UNC5D: variants seen among roughly 807,000 people sequenced by gnomAD.
UNC5D encodes the protein netrin receptor UNC5D.
In UNC5D, 39 loss-of-function variants were observed where a neutral mutation model predicts 105.4. The ratio of observed to expected loss-of-function variants is 0.37; its 90% CI spans 0.29 to 0.48. The LOEUF (loss-of-function observed/expected upper bound fraction) is 0.48. Ranked by LOEUF, UNC5D falls within the 20% of genes least tolerant of loss-of-function variation. The probability of loss-of-function intolerance (pLI) is 0.98; values close to 1 mark genes in which losing one functional copy is unlikely to be tolerated. For synonymous variants in UNC5D, 452 were observed against 450.4 expected (o/e 1.00, Z -0.04); for missense variants, 991 against 1,202.4 (o/e 0.82, Z 2.60).
chr8:35,343,241 C>T (rs185652978), intron 1 of UNC5D, among the ~76,000 whole-genome samples: 1 of 152,144 alleles, frequency 6.6e-6, no homozygotes, highest in East Asian at 1.9e-4. Context: ...TTTTTCTTTC[C>T]TGTCTCAGAT....
chr8:35,379,051 C>T (rs1036692215), intron 1 of UNC5D, among the ~76,000 whole-genome samples: 5 of 152,190 alleles, frequency 3.3e-5, no homozygotes, highest in Non-Finnish European at 7.3e-5. Context: ...TTACAGCTAC[C>T]TCCTGTGTTG....
chr8:35,769,547 A>T (rs1315514339), intron 15 of UNC5D, among the ~76,000 whole-genome samples: 7 of 152,188 alleles, frequency 4.6e-5, no homozygotes, highest in African/African-American at 1.4e-4. Flanking sequence ...TATAATAGAG[A>T]TCCTACATGT....
intron 1 of UNC5D, among the ~76,000 whole-genome samples, chr8:35,543,509 C>T (rs1170714371): frequency 6.6e-6 from 1 of 152,144 alleles, no homozygotes; most frequent in African/African-American, 2.4e-5. Context: ...CAGTGCCTTT[C>T]GCCCAGTTGT....
In UNC5D at chr8:35,568,270, G is replaced by A. The variant is rs758926308; in HGVS notation, c.466+29G>A. 3.1e-6 allele frequency: 5 copies of A among 1,609,362 alleles called. No individual in the cohort carries two copies. The Admixed American group carries it at 8.4e-5, about 27-fold the overall frequency. On this transcript the variant is annotated intron_variant, in intron 3 of 16. Coordinates refer to ENST00000404895, the MANE Select transcript of UNC5D (RefSeq NM_080872.4). ...AGTACATTCTGGGTGACCTTGTCTT[G>A]TAGGACCACAAATGAGAGTTAAATA...
chr8:35,533,550 C>T (rs1814576172), intron 1 of UNC5D, among the ~76,000 whole-genome samples: 1 of 152,324 alleles, frequency 6.6e-6, no homozygotes, highest in Middle Eastern at 3.4e-3. Flanking sequence ...GCAGGCAGGC[C>T]TCCTTGAGCT....
At chr8:35,766,319 C>T (rs1801764377) in intron 14 of UNC5D, among the ~76,000 whole-genome samples, 1 of 151,928 alleles carries the variant, frequency 6.6e-6, no homozygotes, top group Admixed American at 6.6e-5. Flanking sequence ...GTCTGTCTCT[C>T]TTCCCTCCTT....
chr8:35,492,690 T>C (rs1484083082), intron 1 of UNC5D, among the ~76,000 whole-genome samples: 5 of 151,970 alleles, frequency 3.3e-5, no homozygotes, highest in Non-Finnish European at 5.9e-5. Flanking sequence ...GGGCTATTCA[T>C]AGGGAGAAGG....
chr8:35,759,842 A>C (rs573455184), intron 14 of UNC5D, among the ~76,000 whole-genome samples: 2 of 152,250 alleles, frequency 1.3e-5, no homozygotes, highest in Non-Finnish European at 2.9e-5. Context: ...CATATTCAGC[A>C]ATGAATAAAC....
chr8:35,417,221 T>TCCCACCCCATC (rs1805589341), intron 1 of UNC5D, among the ~76,000 whole-genome samples: 1 of 151,850 alleles, frequency 6.6e-6, no homozygotes, highest in African/African-American at 2.4e-5. Flanking sequence ...TCTACCTCTC[T>TCCCACCCCATC]CCCACCCCAT....
In UNC5D at chr8:35,600,569, G is replaced by A. The variant is rs559288643; in HGVS notation, c.570+4912G>A. On this transcript the variant is annotated intron_variant, in intron 4 of 16. Coordinates refer to ENST00000404895, the MANE Select transcript of UNC5D (RefSeq NM_080872.4). ...GGCCAGTGATGATGAGCATTTTTTC[G>A]TGTGTCTTTTGGCTGCATAAATGTC... 8.3e-4 allele frequency among the ~76,000 whole-genome samples: 126 copies of A among 152,184 alleles called. 1 individual carries two copies. The East Asian group carries it at 0.022, about 26-fold the overall frequency.
intron 1 of UNC5D, among the ~76,000 whole-genome samples, chr8:35,536,549 C>A (rs933770496): frequency 6.6e-6 from 1 of 152,154 alleles, no homozygotes; most frequent in African/African-American, 2.4e-5. Context: ...GTATGTTCTT[C>A]CCTGCACAAG....
chr8:35,250,224 T>G (rs1201187991), intron 1 of UNC5D, among the ~76,000 whole-genome samples: 2 of 152,162 alleles, frequency 1.3e-5, no homozygotes, highest in Non-Finnish European at 2.9e-5. Context: ...TCAGAGCACT[T>G]AAGTCAGAAT....
At chr8:35,375,411 A>G (rs1009653733) in intron 1 of UNC5D, among the ~76,000 whole-genome samples, 6 of 152,216 alleles carry the variant, frequency 3.9e-5, no homozygotes, top group Non-Finnish European at 5.9e-5. Context: ...AACAAATTCT[A>G]CATGGGGAAA....
At chr8:35,244,240 A>G (rs1802956614) in intron 1 of UNC5D, among the ~76,000 whole-genome samples, 2 of 152,230 alleles carry the variant, frequency 1.3e-5, no homozygotes, top group Admixed American at 1.3e-4. Flanking sequence ...AGTGATAAAC[A>G]GTGCTAGGAC....
intron 1 of UNC5D, among the ~76,000 whole-genome samples, chr8:35,424,588 C>T (rs949877576): frequency 6.6e-6 from 1 of 152,080 alleles, no homozygotes; most frequent in Non-Finnish European, 1.5e-5. Context: ...TTCCCTAGAC[C>T]CCATTCCTAG....
At chr8:35,482,152 G>C (rs1048638821) in intron 1 of UNC5D, among the ~76,000 whole-genome samples, 25 of 152,130 alleles carry the variant, frequency 1.6e-4, no homozygotes, top group Non-Finnish European at 7.4e-5. Flanking sequence ...CAGGTCTATG[G>C]ATCAGAAGTA....
chr8:35,417,152 A>G (rs1805584068), intron 1 of UNC5D, among the ~76,000 whole-genome samples: 1 of 152,144 alleles, frequency 6.6e-6, no homozygotes, highest in African/African-American at 2.4e-5. Flanking sequence ...CTGTTGTGCT[A>G]TCAAATACTA....
chr8:35,769,078 T>C (rs1265295298), intron 15 of UNC5D, among the ~76,000 whole-genome samples: 5 of 152,242 alleles, frequency 3.3e-5, no homozygotes, highest in African/African-American at 7.2e-5. Flanking sequence ...TAATAACTTT[T>C]GTAAGCCACT....
chr8:35,444,258 G>T (rs760031592), intron 1 of UNC5D, among the ~76,000 whole-genome samples: 24 of 152,006 alleles, frequency 1.6e-4, no homozygotes, highest in Non-Finnish European at 3.4e-4. Context: ...CATTCTGCTA[G>T]CTCTTCTTAC....
Sources: gnomAD v4.1 joint callset for allele counts (sites outside exome capture counted in the v4.1 genomes callset) on GRCh38, gnomAD v4.1.1 for gene constraint, MANE v1.5 for transcripts, NCBI Gene and HGNC (gene_info 2026-07-23, HGNC 2026-07-21) for gene names.